The following SNRPN variants were observed in gnomAD, a reference collection of about 807,000 sequenced individuals.
SNRPN encodes the protein small nuclear ribonucleoprotein polypeptide N, also known as small nuclear ribonucleoprotein-associated protein N.
Under a neutral mutation model 25.2 loss-of-function variants are expected in SNRPN, and 7 were observed. That is an observed-to-expected ratio of 0.28 (90% CI 0.16 to 0.52). SNRPN has a LOEUF of 0.52. Ranked by LOEUF, SNRPN falls within the 20% of genes least tolerant of loss-of-function variation. The pLI, the probability that SNRPN is intolerant of heterozygous loss-of-function variation, is 0.96. For missense variants in SNRPN, 196 were observed against 322.5 expected, an observed-to-expected ratio of 0.61 and a Z score of 3.00; for synonymous variants, 124 against 110.6, an observed-to-expected ratio of 1.12 and a Z score of -0.76.
At chr15:24,913,663 CA>C (rs1294310798) in intron 2 of SNRPN, among the ~76,000 whole-genome samples, 1 of 149,922 alleles carries the variant, frequency 6.7e-6, no homozygotes, top group Non-Finnish European at 1.5e-5. Flanking sequence ...CAAAACAAAA[CA>C]AAACAAAAAA....
At chr15:24,867,255 A>C (rs2054652588) in intron 1 of SNRPN, among the ~76,000 whole-genome samples, 1 of 152,176 alleles carries the variant, frequency 6.6e-6, no homozygotes, top group Admixed American at 6.5e-5. Context: ...AACAGTGTGC[A>C]GGGGTTTCCT....
chr15:24,888,655 C>G (rs2057391374), intron 2 of SNRPN, among the ~76,000 whole-genome samples: 1 of 152,074 alleles, frequency 6.6e-6, no homozygotes, highest in South Asian at 2.1e-4. Flanking sequence ...ATCAATCAGC[C>G]AGGGAGGCAA....
chr15:24,887,392 C>A (rs2057289637), intron 2 of SNRPN, among the ~76,000 whole-genome samples: 1 of 152,100 alleles, frequency 6.6e-6, no homozygotes, highest in South Asian at 2.1e-4. Context: ...AGGTTATCCT[C>A]CGGCCTCGGC....
chr15:24,950,987 C>G (rs544376646), upstream of SNRPN, among the ~76,000 whole-genome samples: 1 of 151,952 alleles, frequency 6.6e-6, no homozygotes, highest in Admixed American at 6.6e-5. Flanking sequence ...CAGTCCCAAG[C>G]AGCTGGGACT....
chr15:24,930,522 G>A (rs1239870731), intron 3 of SNRPN, among the ~76,000 whole-genome samples: 5 of 146,066 alleles, frequency 3.4e-5, no homozygotes, highest in African/African-American at 1.2e-4. Context: ...GAGAAGGGAG[G>A]ATCACCTGAG....
intron 2 of SNRPN, among the ~76,000 whole-genome samples, chr15:24,844,730 G>A (rs1467498628): frequency 6.6e-6 from 1 of 152,036 alleles, no homozygotes; most frequent in Non-Finnish European, 1.5e-5. Context: ...CACCATGTTG[G>A]CCAGGCTGGT....
chr15:24,883,953 C>T (rs2056960691), intron 1 of SNRPN, among the ~76,000 whole-genome samples: 1 of 145,830 alleles, frequency 6.9e-6, no homozygotes, highest in Admixed American at 7.2e-5. Context: ...TTGCAGTGAG[C>T]TGAGATCGTG....
chr15:24,874,356 G>A (rs1369121772), intron 1 of SNRPN, among the ~76,000 whole-genome samples: 6 of 138,040 alleles, frequency 4.3e-5, no homozygotes, highest in Non-Finnish European at 7.8e-5. Context: ...GACCAAAAAC[G>A]AGCCATATGT....
chr15:24,832,228 C>T (rs1295632797), intron 2 of SNRPN, among the ~76,000 whole-genome samples: 1 of 151,796 alleles, frequency 6.6e-6, no homozygotes, highest in East Asian at 1.9e-4. Context: ...TTTAAATTTG[C>T]AATTGTCTAT....
chr15:24,977,165 T>A, intron 7 of SNRPN, 136 bp downstream of exon 7: 1 of 604,568 alleles, frequency 1.7e-6, no homozygotes, highest in Non-Finnish European at 2.6e-6. Flanking sequence ...AACACAGATA[T>A]ATGGGAGGAA....
chr15:24,917,098 T>A (rs1476291243), intron 2 of SNRPN, among the ~76,000 whole-genome samples: 1 of 152,182 alleles, frequency 6.6e-6, no homozygotes, highest in Non-Finnish European at 1.5e-5. Context: ...GAGCATCGAT[T>A]GGTGCATTTT....
At position 24,927,475 on chromosome 15, in the gene SNRPN, A is replaced by ATTTTTTTTTTT. The variant is rs1566921436; in HGVS notation, c.-391+7351_-391+7352insTTTTTTTTTTT. On this transcript the variant is annotated intron_variant, in intron 3 of 11. Transcript: ENST00000400097. ...TTTCCCACTGCTTATAAAGTTTTTA[A>ATTTTTTTTTTT]ATTTTTTTTTTTTTTTTTTTTTTTT... 1.6e-3 allele frequency among the ~76,000 whole-genome samples: 185 copies of ATTTTTTTTTTT among 113,294 alleles called. 37 individuals are homozygous for ATTTTTTTTTTT. The highest frequency in any genetic ancestry group is 2.5e-3 in the Admixed American group (25 of 10,084). 74.3% of individuals were successfully genotyped at this position (113,294 alleles called of 152,430 possible). A position where few individuals can be genotyped will look rare whatever the true frequency, so the allele number is the denominator to read the frequency against.
intron 1 of SNRPN, among the ~76,000 whole-genome samples, chr15:24,960,758 TAC>T (rs1596216720): frequency 6.6e-6 from 1 of 152,176 alleles, no homozygotes; most frequent in East Asian, 1.9e-4. Flanking sequence ...GAGAGTTCCT[TAC>T]ATATTCTGGA....
chr15:24,942,540 C>T (rs557980027), intron 3 of SNRPN: 11 of 152,174 alleles, frequency 7.2e-5, no homozygotes, highest in South Asian at 4.2e-4. Flanking sequence ...TGGTCAGAAG[C>T]GATGTTGTTT....
At chr15:24,978,145 T>C (rs763225370) in intron 8 of SNRPN, 48 bp from the exon 9 acceptor site, 87 of 1,590,982 alleles carry the variant, frequency 5.5e-5, no homozygotes, top group Non-Finnish European at 7.0e-5. Flanking sequence ...ATTCTAACTT[T>C]TCTAAGCCAT....
intron 1 of SNRPN, among the ~76,000 whole-genome samples, chr15:24,877,697 A>G (rs113929856): frequency 8.8e-6 from 1 of 113,838 alleles, no homozygotes; most frequent in Non-Finnish European, 2.0e-5. Context: ...CACACACACA[A>G]ACACACTAGC....
chr15:24,936,622 A>G (rs1052979378), intron 3 of SNRPN, among the ~76,000 whole-genome samples: 3 of 152,194 alleles, frequency 2.0e-5, no homozygotes, highest in Non-Finnish European at 2.9e-5. Context: ...AACTTGCATC[A>G]TGGCAGAAGG....
intron 2 of SNRPN, among the ~76,000 whole-genome samples, chr15:24,842,522 A>G (rs2051796735): frequency 6.6e-6 from 1 of 152,178 alleles, no homozygotes; most frequent in East Asian, 1.9e-4. Flanking sequence ...CCTTTCACAC[A>G]GCTGAGGAAG....
intron 2 of SNRPN, among the ~76,000 whole-genome samples, chr15:24,907,764 C>T (rs2058926732): frequency 6.6e-6 from 1 of 151,114 alleles, no homozygotes; most frequent in Non-Finnish European, 1.5e-5. Context: ...ACCTTGAAAG[C>T]ACAGAGTAGG....
Sources: gnomAD v4.1 joint callset for allele counts (sites outside exome capture counted in the v4.1 genomes callset) on GRCh38, gnomAD v4.1.1 for gene constraint, MANE v1.5 for transcripts, NCBI Gene and HGNC (gene_info 2026-07-23, HGNC 2026-07-21) for gene names.